The following CADPS2 variants were observed in gnomAD, a reference collection of about 807,000 sequenced individuals.
CADPS2 encodes the protein calcium dependent secretion activator 2.
CADPS2 carries 93 observed loss-of-function variants against 172.5 expected under a neutral mutation model. The observed-to-expected ratio is 0.54, with a 90% CI of 0.46 to 0.64. The LOEUF (loss-of-function observed/expected upper bound fraction) is 0.64, where lower values mean the gene tolerates loss of function less well. Ranked by LOEUF, CADPS2 falls within the 30% of genes least tolerant of loss-of-function variation. The pLI is 0.00. For synonymous variants in CADPS2, 546 were observed against 555.2 expected (o/e 0.98, Z 0.23); for missense variants, 1,420 against 1,565.9 (o/e 0.91, Z 1.57).
chr7:122,489,611 T>G (rs923797931), intron 11 of CADPS2, among the ~76,000 whole-genome samples: 38 of 152,124 alleles, frequency 2.5e-4, no homozygotes, highest in African/African-American at 9.2e-4. Flanking sequence ...GCTTTATGAC[T>G]TATTATTTTT....
At chr7:122,770,520 C>A (rs1479562005) in intron 1 of CADPS2, among the ~76,000 whole-genome samples, 1 of 152,154 alleles carries the variant, frequency 6.6e-6, no homozygotes, top group Non-Finnish European at 1.5e-5. Flanking sequence ...TCCCTGACCC[C>A]ACTCCCCTGA....
chr7:122,438,802 T>C (rs1288751259), intron 16 of CADPS2, among the ~76,000 whole-genome samples: 2 of 152,112 alleles, frequency 1.3e-5, no homozygotes, highest in Non-Finnish European at 2.9e-5. Context: ...CAGATAAAGA[T>C]TACAGTTCTC....
intron 9 of CADPS2, among the ~76,000 whole-genome samples, chr7:122,500,955 A>C (rs969830067): frequency 7.9e-5 from 12 of 152,190 alleles, no homozygotes; most frequent in Non-Finnish European, 1.2e-4. Context: ...TAAAATGTAT[A>C]ATTTAATTCT....
intron 2 of CADPS2, among the ~76,000 whole-genome samples, chr7:122,682,744 G>A (rs1383452991): frequency 6.6e-6 from 1 of 152,136 alleles, no homozygotes; most frequent in East Asian, 1.9e-4. Flanking sequence ...GAGGAGACCC[G>A]AGAGTTCAAG....
intron 6 of CADPS2, among the ~76,000 whole-genome samples, chr7:122,586,936 A>C (rs1310077737): frequency 6.6e-6 from 1 of 151,832 alleles, no homozygotes; most frequent in Non-Finnish European, 1.5e-5. Context: ...TAACCAATTA[A>C]CTCTATTAAA....
chr7:122,640,071 T>C (rs1158518473), intron 3 of CADPS2, among the ~76,000 whole-genome samples: 1 of 152,196 alleles, frequency 6.6e-6, no homozygotes, highest in Non-Finnish European at 1.5e-5. Flanking sequence ...CGATCATTCA[T>C]GAGTAATGCC....
At chr7:122,749,659 T>C (rs954741853) in intron 1 of CADPS2, among the ~76,000 whole-genome samples, 1 of 152,152 alleles carries the variant, frequency 6.6e-6, no homozygotes, top group African/African-American at 2.4e-5. Flanking sequence ...ACTCCTTTTA[T>C]AATAAAAATC....
In CADPS2 at chr7:122,490,218, C is replaced by T; in HGVS notation, c.1715G>A (p.Ser572Asn). The T allele has an allele frequency of 6.2e-7, 1 of 1,613,370 alleles. No homozygotes were observed. The highest frequency in any genetic ancestry group is 8.5e-7 in the Non-Finnish European group (1 of 1,179,558). ...VKEGDTVIFA[S>N]DDEQDRILWV... The stretch of plus-strand genomic sequence containing the variant: ...TAATATTCTGTCCTGTTCATCATCA[C>T]TGGCAAAGATTACAGTATCTCCTTC... The change falls in exon 11 of 30, where the codon AGT (serine) becomes AAT (asparagine). Residue 572 changes from serine (S) to asparagine (N), a missense_variant. Transcript: ENST00000449022.
At chr7:122,637,164 A>G (rs1186094716) in intron 3 of CADPS2, among the ~76,000 whole-genome samples, 1 of 109,978 alleles carries the variant, frequency 9.1e-6, no homozygotes, top group Non-Finnish European at 1.8e-5. Flanking sequence ...TGCATTATGA[A>G]ATTTTGCTTT....
chr7:122,643,115 T>C (rs932260821), intron 3 of CADPS2, among the ~76,000 whole-genome samples: 10 of 152,220 alleles, frequency 6.6e-5, no homozygotes, highest in Admixed American at 6.5e-4. Flanking sequence ...ACAAACCTAA[T>C]GCTGATTCCA....
At chr7:122,552,477 T>C (rs1352061097) in intron 8 of CADPS2, among the ~76,000 whole-genome samples, 1 of 152,096 alleles carries the variant, frequency 6.6e-6, no homozygotes, top group African/African-American at 2.4e-5. Flanking sequence ...CAGAAGGCAA[T>C]TGCAGGCCTT....
At chr7:122,865,717 T>C (rs1818132491) in intron 1 of CADPS2, among the ~76,000 whole-genome samples, 1 of 152,230 alleles carries the variant, frequency 6.6e-6, no homozygotes, top group African/African-American at 2.4e-5. Flanking sequence ...TCTGTCCCAT[T>C]GTTAATGAAA....
intron 1 of CADPS2, among the ~76,000 whole-genome samples, chr7:122,809,787 C>A (rs1799629357): frequency 6.6e-6 from 1 of 152,138 alleles, no homozygotes; most frequent in African/African-American, 2.4e-5. Context: ...TAAGTTCATG[C>A]AAGTGTCCAG....
chr7:122,615,512 A>G (rs538975511), intron 5 of CADPS2, among the ~76,000 whole-genome samples: 7 of 152,288 alleles, frequency 4.6e-5, no homozygotes, highest in African/African-American at 1.7e-4. Flanking sequence ...GTAACTGAAA[A>G]TATATCTGCT....
At chr7:122,436,701 G>C (rs549297000) in intron 17 of CADPS2, among the ~76,000 whole-genome samples, 3 of 152,058 alleles carry the variant, frequency 2.0e-5, no homozygotes, top group South Asian at 4.2e-4. Context: ...AGAGATAAGA[G>C]AGAAGTGACT....
intron 13 of CADPS2, among the ~76,000 whole-genome samples, chr7:122,474,156 A>G (rs1042811984): frequency 6.6e-6 from 1 of 152,132 alleles, no homozygotes; most frequent in South Asian, 2.1e-4. Flanking sequence ...TCTCCTGTCT[A>G]TTGAGTGGCA....
At chr7:122,734,957 T>C (rs2092040525) in intron 2 of CADPS2, among the ~76,000 whole-genome samples, 1 of 152,156 alleles carries the variant, frequency 6.6e-6, no homozygotes, top group African/African-American at 2.4e-5. Context: ...ACCTCTTCAA[T>C]GCTTACATCT....
intron 2 of CADPS2, among the ~76,000 whole-genome samples, chr7:122,719,148 G>A (rs970325743): frequency 6.6e-6 from 1 of 151,998 alleles, no homozygotes; most frequent in Non-Finnish European, 1.5e-5. Context: ...GGGAGCCATG[G>A]GCATCAGTCA....
chr7:122,700,150 A>C (rs1413602967), intron 2 of CADPS2, among the ~76,000 whole-genome samples: 1 of 152,140 alleles, frequency 6.6e-6, no homozygotes, highest in East Asian at 1.9e-4. Flanking sequence ...GGTGAATCTC[A>C]GTGGGTTTTT....
Sources: gnomAD v4.1 joint callset for allele counts (sites outside exome capture counted in the v4.1 genomes callset) on GRCh38, gnomAD v4.1.1 for gene constraint, MANE v1.5 for transcripts, NCBI Gene and HGNC (gene_info 2026-07-23, HGNC 2026-07-21) for gene names.